The following XXYLT1 variants were observed in gnomAD, a reference collection of about 807,000 sequenced individuals.
XXYLT1 encodes xyloside xylosyltransferase 1.
Under a neutral mutation model 28.9 loss-of-function variants are expected in XXYLT1, and 20 were observed. The observed-to-expected ratio is 0.69, with a 90% confidence interval of 0.49 to 1.00. The LOEUF (loss-of-function observed/expected upper bound fraction) is 1.00, where lower values mean the gene tolerates loss of function less well. XXYLT1 is among the 50% of genes least tolerant of loss of function. The probability of loss-of-function intolerance (pLI) is 0.00; values close to 1 mark genes in which losing one functional copy is unlikely to be tolerated. For missense variants in XXYLT1, 542 were observed against 560.1 expected, an observed-to-expected ratio of 0.97 and a Z score of 0.33; for synonymous variants, 257 against 253.8, an observed-to-expected ratio of 1.01 and a Z score of -0.12.
In XXYLT1 at chr3:195,270,589, T is replaced by C; in HGVS notation, c.470A>G (p.Glu157Gly). 7.2e-7 allele frequency: 1 copy of C among 1,387,358 alleles called. No homozygotes were observed. Among genetic ancestry groups the C allele is most frequent in the Admixed American group, 3.2e-5 (1 of 30,824 alleles). The allele number at this position is 1,387,358 out of a possible 1,614,324, so 85.9% of individuals were successfully genotyped here. Residue 157 changes from glutamate to glycine, a missense_variant, in exon 1 of 4, where the codon GAG becomes GGG. Physicochemically the swap from Glu to Gly is moderately conservative, Grantham distance 98. Coordinates refer to ENST00000310380, the MANE Select transcript of XXYLT1 (RefSeq NM_152531.5). Reference sequence around the variant, plus strand: ...GAAGCCAGCGGCGGGCGGCAGGAGCTCCCGCAGCAGGCCCTTGGCCACCTC... The same window carrying C: ...GAAGCCAGCGGCGGGCGGCAGGAGCCCCCGCAGCAGGCCCTTGGCCACCTC... ...SREVAKGLLR[E>G]LLPPAAGFKC...
In XXYLT1 at chr3:195,077,399, C is replaced by T. The variant is rs1039192652; in HGVS notation, c.786-7288G>A. Reference sequence around the variant, plus strand: ...ACTCTGCGCTGACCCTGCCCAGCAGCGTGCCCTGAGGAGCAGCCCTGCCTG... The same window carrying T: ...ACTCTGCGCTGACCCTGCCCAGCAGTGTGCCCTGAGGAGCAGCCCTGCCTG... On this transcript the variant is annotated intron_variant, in intron 3 of 3. Transcript: ENST00000310380. This position sits in a 1 kb window ranked among gnomAD's most constrained non-coding sequence, Gnocchi z 4.8. Among the ~76,000 whole-genome samples the T allele has an allele frequency of 2.6e-5, 4 of 152,286 alleles. No individual in the cohort carries two copies. Among genetic ancestry groups the T allele is most frequent in the East Asian group, 3.9e-4 (2 of 5,176 alleles).
chr3:195,148,265 T>C (rs768976624), intron 3 of XXYLT1, among the ~76,000 whole-genome samples: 1 of 152,230 alleles, frequency 6.6e-6, no homozygotes, highest in Non-Finnish European at 1.5e-5. Flanking sequence ...TCCCTTTTTA[T>C]GAGTAATTCC....
chr3:195,222,664 T>C (rs1723879186), intron 2 of XXYLT1, among the ~76,000 whole-genome samples: 1 of 152,084 alleles, frequency 6.6e-6, no homozygotes, highest in African/African-American at 2.4e-5. Context: ...AATGAGAAAG[T>C]GAACGGAGGT....
At chr3:195,260,287 G>C (rs1356594882) in intron 1 of XXYLT1, among the ~76,000 whole-genome samples, 1 of 151,590 alleles carries the variant, frequency 6.6e-6, no homozygotes, top group Non-Finnish European at 1.5e-5. Context: ...CGCGGAGGAG[G>C]GGCCAGCCCC....
intron 3 of XXYLT1, among the ~76,000 whole-genome samples, chr3:195,081,201 T>C (rs1193671130): frequency 6.6e-6 from 1 of 150,596 alleles, no homozygotes; most frequent in African/African-American, 2.5e-5. Flanking sequence ...CTAACGCTGC[T>C]GGTCCAAGAA....
At chr3:195,161,275 G>A (rs1182926414) in intron 2 of XXYLT1, among the ~76,000 whole-genome samples, 6 of 152,230 alleles carry the variant, frequency 3.9e-5, no homozygotes. Flanking sequence ...TCAGGGTGGA[G>A]AGCAATTACA....
intron 2 of XXYLT1, 107 bp from the exon 3 acceptor site, chr3:195,156,688 C>A: frequency 1.4e-6 from 2 of 1,415,452 alleles, no homozygotes; most frequent in Non-Finnish European, 1.9e-6. Context: ...TGGACTCTTA[C>A]TGTTGTCAGT....
intron 3 of XXYLT1, among the ~76,000 whole-genome samples, chr3:195,139,232 T>A (rs1319875637): frequency 6.6e-6 from 1 of 152,212 alleles, no homozygotes; most frequent in Non-Finnish European, 1.5e-5. Context: ...AGCTCCCGGG[T>A]AGACAGTCCC....
At chr3:195,167,313 G>A (rs1160124239) in intron 2 of XXYLT1, among the ~76,000 whole-genome samples, 4 of 152,124 alleles carry the variant, frequency 2.6e-5, no homozygotes, top group Admixed American at 6.5e-5. Flanking sequence ...ATGTTGAGCC[G>A]GGCGCGGTGA....
intron 2 of XXYLT1, among the ~76,000 whole-genome samples, chr3:195,201,395 C>T (rs1722843377): frequency 6.6e-6 from 1 of 152,240 alleles, no homozygotes; most frequent in African/African-American, 2.4e-5. Context: ...CTGCCTGTGT[C>T]TCTGGGGGTC....
chr3:195,167,242 C>G (rs1721173072), intron 2 of XXYLT1, among the ~76,000 whole-genome samples: 2 of 152,188 alleles, frequency 1.3e-5, no homozygotes, highest in Non-Finnish European at 2.9e-5. Context: ...CATCTCCTAA[C>G]AAATGTTTAC....
chr3:195,147,844 A>G (rs1494326), intron 3 of XXYLT1: 152,358 of 152,408 alleles, frequency 1, 76,154 homozygotes, highest in Middle Eastern at 1. Flanking sequence ...TTCCTCACTC[A>G]TTCTTTCAGG....
intron 2 of XXYLT1, among the ~76,000 whole-genome samples, chr3:195,160,803 C>T (rs553505700): frequency 5.9e-5 from 9 of 152,334 alleles, no homozygotes; most frequent in Non-Finnish European, 7.3e-5. Context: ...GGGTCCGCCC[C>T]GCGACGCACA....
At chr3:195,270,492 A>AGCGC (rs1560185655) in intron 1 of XXYLT1, 63 bp downstream of exon 1, 1 of 1,347,140 alleles carries the variant, frequency 7.4e-7, no homozygotes, top group Admixed American at 3.8e-5. Context: ...CGGGAGCGCA[A>AGCGC]ACTGACCTCG....
chr3:195,144,606 G>C (rs1200681321), intron 3 of XXYLT1, among the ~76,000 whole-genome samples: 1 of 151,848 alleles, frequency 6.6e-6, no homozygotes, highest in Admixed American at 6.6e-5. Flanking sequence ...TCGAACTCCT[G>C]ACCCCGTGAT....
chr3:195,151,167 G>T (rs1289144624), intron 3 of XXYLT1, among the ~76,000 whole-genome samples: 1 of 152,042 alleles, frequency 6.6e-6, no homozygotes, highest in Non-Finnish European at 1.5e-5. Flanking sequence ...CAGATCACCT[G>T]CTGCTGCTAA....
intron 3 of XXYLT1, among the ~76,000 whole-genome samples, chr3:195,112,502 A>G (rs1210875301): frequency 2.9e-5 from 1 of 34,976 alleles, no homozygotes; most frequent in Admixed American, 4.1e-4. Context: ...ACATGCACAC[A>G]CCCACACACA....
At chr3:195,175,051 C>CA in intron 2 of XXYLT1, among the ~76,000 whole-genome samples, 1 of 152,310 alleles carries the variant, frequency 6.6e-6, no homozygotes, top group African/African-American at 2.4e-5. Context: ...ATACAAGACT[C>CA]ACAGAACCAG....
At chr3:195,219,987 C>G (rs1368421733) in intron 2 of XXYLT1, among the ~76,000 whole-genome samples, 1 of 152,134 alleles carries the variant, frequency 6.6e-6, no homozygotes, top group Non-Finnish European at 1.5e-5. Context: ...TTTATCCACT[C>G]CCATAGATCT....
Sources: allele counts gnomAD v4.1 joint callset (sites outside exome capture counted in the v4.1 genomes callset), GRCh38; gene constraint gnomAD v4.1.1; non-coding constraint Gnocchi (gnomAD v3.1); transcripts MANE v1.5; gene names NCBI Gene and HGNC (gene_info 2026-07-23, HGNC 2026-07-21).